TEX11: variants seen among roughly 807,000 people sequenced by gnomAD.
The protein encoded by TEX11 is testis expressed 11.
Under a neutral mutation model 84.4 loss-of-function variants are expected in TEX11, and 7 were observed. The ratio of observed to expected loss-of-function variants is 0.08; its 90% CI spans 0.05 to 0.16. TEX11 has a LOEUF of 0.16. TEX11 is among the 10% of genes least tolerant of loss of function. The pLI is 1.00. For missense variants in TEX11, 551 were observed against 660.5 expected, an observed-to-expected ratio of 0.83 and a Z score of 1.82; for synonymous variants, 264 against 222.8, an observed-to-expected ratio of 1.18 and a Z score of -1.64.
rs765161628 is a variant in TEX11 at position 70,826,460 on chromosome X, C to G, written c.606+7053G>C. ...CAAGAACCAAAACCAGGTGAACACT[C>G]ACAGTACCCGGTTTTAACTACATAT... On this transcript the variant is annotated intron_variant, in intron 8 of 29. Transcript: ENST00000374333. Among the ~76,000 whole-genome samples, 3 of 111,936 alleles carry G rather than the reference C, an allele frequency of 2.7e-5. No homozygotes were observed. In the South Asian group the frequency reaches 1.1e-3, roughly 42 times the overall value.
intron 9 of TEX11, among the ~76,000 whole-genome samples, chrX:70,767,674 C>G (rs1314322490): frequency 8.9e-6 from 1 of 111,802 alleles, no homozygotes; most frequent in Non-Finnish European, 1.9e-5. Context: ...ATCTGCACTC[C>G]TATGTTTGTT....
intron 14 of TEX11, among the ~76,000 whole-genome samples, chrX:70,682,025 A>C (rs1316446478): frequency 8.9e-6 from 1 of 112,071 alleles, no homozygotes; most frequent in East Asian, 2.8e-4. Context: ...TTTAGTGACT[A>C]TCACTCCAAT....
chrX:70,518,477 G>A, the TEX11 span, among the ~76,000 whole-genome samples: 31 of 112,205 alleles, frequency 2.8e-4, no homozygotes, highest in East Asian at 7.5e-3. Context: ...ATTGCACTGT[G>A]GTCTGAGAGA....
chrX:70,681,039 GTTGA>G (rs1569399600), intron 14 of TEX11, among the ~76,000 whole-genome samples: 1 of 112,828 alleles, frequency 8.9e-6, no homozygotes, highest in African/African-American at 3.2e-5. Context: ...CTTAACTTGC[GTTGA>G]TTGTTTCTGG....
chrX:70,653,029 C>T (rs1427845134), intron 16 of TEX11, among the ~76,000 whole-genome samples: 1 of 111,441 alleles, frequency 9.0e-6, no homozygotes, highest in Non-Finnish European at 1.9e-5. Context: ...AGACCATAAA[C>T]CTCTCACAAA....
At chrX:70,537,815 A>C (rs2087982144) in intron 28 of TEX11, among the ~76,000 whole-genome samples, 1 of 111,605 alleles carries the variant, frequency 9.0e-6, no homozygotes, top group African/African-American at 3.3e-5. Flanking sequence ...GGAAACTGTG[A>C]GGTACAAGAA....
chrX:70,894,347 G>A (rs2091755585), intron 2 of TEX11, among the ~76,000 whole-genome samples: 1 of 110,515 alleles, frequency 9.0e-6, no homozygotes, highest in East Asian at 2.8e-4. Context: ...GGTAAACCAG[G>A]CCAGGCGCAG....
chrX:70,830,069 G>A (rs986112656), intron 8 of TEX11, among the ~76,000 whole-genome samples: 5 of 110,375 alleles, frequency 4.5e-5, no homozygotes, highest in African/African-American at 1.6e-4. Context: ...ACATAGAGTG[G>A]CTGAATGGAT....
chrX:70,719,575 G>C (rs2090537591), intron 13 of TEX11, among the ~76,000 whole-genome samples: 1 of 111,783 alleles, frequency 8.9e-6, no homozygotes, highest in South Asian at 3.7e-4. Context: ...CCATCAGAGT[G>C]AACAGGCAAC....
chrX:70,812,497 G>A (rs992405546), intron 8 of TEX11, among the ~76,000 whole-genome samples: 2 of 111,219 alleles, frequency 1.8e-5, no homozygotes, highest in East Asian at 2.8e-4. Context: ...ATGAGCCACC[G>A]CGCCTGGCCC....
At chrX:70,742,086 CAG>C (rs1194341828) in intron 10 of TEX11, among the ~76,000 whole-genome samples, 1 of 111,062 alleles carries the variant, frequency 9.0e-6, no homozygotes, top group Admixed American at 9.7e-5. Context: ...AGTTAAGAAA[CAG>C]AACATTAACA....
intron 13 of TEX11, among the ~76,000 whole-genome samples, chrX:70,691,608 A>G (rs1051436141): frequency 7.2e-5 from 8 of 111,517 alleles, no homozygotes; most frequent in Non-Finnish European, 1.5e-4. Flanking sequence ...GAAGGCTAAA[A>G]AAAAGTTTAA....
chrX:70,702,689 ACTT>A (rs1205032226), intron 13 of TEX11, among the ~76,000 whole-genome samples: 1 of 91,793 alleles, frequency 1.1e-5, no homozygotes, highest in East Asian at 2.8e-4. Context: ...AGTCACATCT[ACTT>A]CTCTCCTTCT....
intron 14 of TEX11, among the ~76,000 whole-genome samples, chrX:70,679,144 T>G (rs1030109550): frequency 1.8e-5 from 2 of 112,930 alleles, no homozygotes; most frequent in East Asian, 5.6e-4. Context: ...TTTCGCTGTG[T>G]TGGCTGGGCT....
chrX:70,565,548 A>C (rs2088454699), intron 25 of TEX11, among the ~76,000 whole-genome samples: 1 of 111,376 alleles, frequency 9.0e-6, no homozygotes, highest in African/African-American at 3.3e-5. Context: ...TCTAACGTTT[A>C]AGTCTTTAAT....
At chrX:70,842,053 C>T (rs1264227436) in intron 7 of TEX11, among the ~76,000 whole-genome samples, 5 of 110,771 alleles carry the variant, frequency 4.5e-5, no homozygotes, top group Non-Finnish European at 9.5e-5. Flanking sequence ...ACCAGAGGTA[C>T]AAGGAGGAGC....
intron 2 of TEX11, among the ~76,000 whole-genome samples, chrX:70,890,048 A>G (rs2091729171): frequency 8.9e-6 from 1 of 111,760 alleles, no homozygotes; most frequent in South Asian, 3.8e-4. Context: ...CACACTTCAC[A>G]TATAAAGACA....
At chrX:70,656,026 AT>A (rs1293346089) in intron 16 of TEX11, among the ~76,000 whole-genome samples, 8 of 110,803 alleles carry the variant, frequency 7.2e-5, no homozygotes, top group Admixed American at 1.9e-4. Flanking sequence ...ACAATTGTCA[AT>A]TTGTATAATT....
intron 9 of TEX11, among the ~76,000 whole-genome samples, chrX:70,747,039 G>A (rs2090772610): frequency 8.9e-6 from 1 of 111,966 alleles, no homozygotes; most frequent in African/African-American, 3.2e-5. Flanking sequence ...AAGATCCAGG[G>A]AACCCAGCTT....
Sources: allele counts gnomAD v4.1 joint callset (sites outside exome capture counted in the v4.1 genomes callset), GRCh38; gene constraint gnomAD v4.1.1; transcripts MANE v1.5; gene names NCBI Gene and HGNC (gene_info 2026-07-23, HGNC 2026-07-21).